CABP5: variants seen among roughly 807,000 people sequenced by gnomAD.
CABP5 encodes calcium binding protein 5.
A neutral mutation model predicts 21.9 loss-of-function variants in CABP5; 17 were observed. That is an observed-to-expected ratio of 0.78 (90% CI 0.53 to 1.17). CABP5 has a LOEUF of 1.17. CABP5 is among the 50% of genes most tolerant of loss of function. The probability of loss-of-function intolerance (pLI) is 0.00; values close to 1 mark genes in which losing one functional copy is unlikely to be tolerated. For synonymous variants in CABP5, 85 were observed against 79.4 expected (o/e 1.07, Z -0.37); for missense variants, 229 against 228.9 (o/e 1.00, Z 0.00).
At chr19:48,031,354 A>T (rs1967337251) in intron 5 of CABP5, among the ~76,000 whole-genome samples, 1 of 152,126 alleles carries the variant, frequency 6.6e-6, no homozygotes, top group Non-Finnish European at 1.5e-5. Context: ...GGCCTGGCTA[A>T]CATGGTGAAA....
At chr19:48,032,511 G>A (rs1262713405) in intron 5 of CABP5, among the ~76,000 whole-genome samples, 1 of 151,754 alleles carries the variant, frequency 6.6e-6, no homozygotes, top group Non-Finnish European at 1.5e-5. Context: ...TTGTATTTCA[G>A]TAGAGATGGG....
intron 5 of CABP5, among the ~76,000 whole-genome samples, chr19:48,032,076 G>C (rs561320839): frequency 2.6e-4 from 39 of 152,012 alleles, no homozygotes; most frequent in Non-Finnish European, 5.7e-4. Context: ...CTGGGAGGAA[G>C]ACATGAGGGA....
chr19:48,030,652 C>A, intron 5 of CABP5, 70 bp from the exon 6 acceptor site: 1 of 1,504,700 alleles, frequency 6.6e-7, no homozygotes, highest in Non-Finnish European at 9.2e-7. Flanking sequence ...TTTTTTGAGC[C>A]CTTCCTATGT....
intron 2 of CABP5, 112 bp from the exon 3 acceptor site, chr19:48,040,860 A>G: frequency 1.9e-6 from 2 of 1,053,968 alleles, no homozygotes; most frequent in East Asian, 2.4e-5. Flanking sequence ...AGGAGCGTAC[A>G]TTAGAAACAA....
At chr19:48,034,474 G>T in intron 4 of CABP5, 112 bp from the exon 5 acceptor site, 1 of 723,522 alleles carries the variant, frequency 1.4e-6, no homozygotes, top group Non-Finnish European at 2.0e-6. Flanking sequence ...AAAGCTTTGG[G>T]AATGTGAGCC....
intron 4 of CABP5, among the ~76,000 whole-genome samples, chr19:48,035,368 C>T (rs1005273651): frequency 6.6e-6 from 1 of 152,282 alleles, no homozygotes; most frequent in Middle Eastern, 3.4e-3. Context: ...GAGGCCAAGG[C>T]GGGTGGATCA....
At chr19:48,035,211 G>C (rs1291432664) in intron 4 of CABP5, among the ~76,000 whole-genome samples, 1 of 152,088 alleles carries the variant, frequency 6.6e-6, no homozygotes, top group African/African-American at 2.4e-5. Context: ...ACATCATGTG[G>C]TATTTGTCCT....
chr19:48,039,152 C>G, intron 4 of CABP5, 56 bp downstream of exon 4: 1 of 1,405,116 alleles, frequency 7.1e-7, no homozygotes, highest in South Asian at 1.2e-5. Flanking sequence ...TAATTACAGG[C>G]AGACCTCAGA....
intron 4 of CABP5, among the ~76,000 whole-genome samples, chr19:48,036,782 C>T (rs770916739): frequency 9.2e-5 from 14 of 152,206 alleles, no homozygotes; most frequent in Non-Finnish European, 1.8e-4. Flanking sequence ...GGGCAAAAGA[C>T]GTGAACAGCT....
In CABP5 at chr19:48,040,743, G is replaced by T. The variant is rs149269371; in HGVS notation, c.100C>A (p.Arg34=). The T allele has an allele frequency of 1.2e-6, 2 of 1,613,760 alleles. No individual in the cohort carries two copies. Among genetic ancestry groups the T allele is most frequent in the East Asian group, 4.5e-5 (2 of 44,888 alleles). The change falls in exon 3 of 6, where the codon CGG becomes AGG. Residue 34 remains arginine (R), a synonymous_variant. Transcript: ENST00000293255. ...PLGQDEIEEL[R]EAFLEFDKDR... is the part of the protein sequence containing the mutation. ...TTATCGAACTCAAGAAATGCTTCCC[G>T]CAGCTCTGAAAGTTAAGAGAGAACT...
At chr19:48,041,333 A>G in intron 2 of CABP5, 1 of 528,064 alleles carries the variant, frequency 1.9e-6, no homozygotes, top group Non-Finnish European at 3.3e-6. Context: ...CAAGAGAGAA[A>G]CTCATTTGTT....
rs556435140 is a variant in CABP5 at position 48,036,002 on chromosome 19, C to T, written c.349-1640G>A. On this transcript the variant is annotated intron_variant, in intron 4 of 5. Transcript: ENST00000293255. ...TAGGACCACGATGGGAGCCAGGAAA[C>T]CAATTAGAGGGCCGCCATGATCATC... Among the ~76,000 whole-genome samples the T allele has an allele frequency of 3.9e-5, 6 of 152,132 alleles. 1 individual carries two copies. The South Asian group carries it at 1.2e-3, about 32-fold the overall frequency.
chr19:48,030,815 C>T (rs1267394767), intron 5 of CABP5, among the ~76,000 whole-genome samples: 2 of 152,002 alleles, frequency 1.3e-5, no homozygotes, highest in East Asian at 1.9e-4. Context: ...AATAGATCTA[C>T]CTCATGAGGT....
chr19:48,041,117 C>A (rs113299803), intron 2 of CABP5, among the ~76,000 whole-genome samples: 1 of 151,862 alleles, frequency 6.6e-6, no homozygotes. Context: ...ACCTGGGAGG[C>A]GGAGGTAGCA....
chr19:48,038,374 C>T (rs1443733707), intron 4 of CABP5, among the ~76,000 whole-genome samples: 2 of 152,184 alleles, frequency 1.3e-5, no homozygotes, highest in South Asian at 2.1e-4. Flanking sequence ...GCTCTCAGAA[C>T]GAGAAGGTAT....
Position 48,029,786 on chromosome 19 carries a change from G to GAGAC in CABP5, c.*767_*770dup, listed in dbSNP as rs879686743. Among the ~76,000 whole-genome samples the GAGAC allele has an allele frequency of 4.3e-5, 6 of 140,180 alleles. No individual in the cohort carries two copies. Among genetic ancestry groups the GAGAC allele is most frequent in the Middle Eastern group, 3.7e-3 (1 of 272 alleles). 92.0% of individuals were successfully genotyped at this position (140,180 alleles called of 152,430 possible). ...AGGAAGGGATGTGGGAGGGGAGACA[G>GAGAC]AGACAGACAGACAGAGAGAGAGAGA... On this transcript the variant is annotated 3_prime_UTR_variant, in exon 6 of 6. Transcript: ENST00000293255.
At position 48,040,399 on chromosome 19, in the gene CABP5, G is replaced by A. The variant is rs1967464871; in HGVS notation, c.238+206C>T. ...TGTAATTAGTAAATAATAGAACTGAGATTTGAACCCAGACCTATCTCTAAA... is the reference window on the plus strand; with the variant it reads ...TGTAATTAGTAAATAATAGAACTGAAATTTGAACCCAGACCTATCTCTAAA... On this transcript the variant is annotated intron_variant, in intron 3 of 5. Coordinates refer to ENST00000293255, the MANE Select transcript of CABP5 (RefSeq NM_019855.5). 2.0e-5 allele frequency among the ~76,000 whole-genome samples: 3 copies of A among 152,164 alleles called. No homozygotes were observed. In the South Asian group the frequency reaches 6.2e-4, roughly 32 times the overall value.
intron 1 of CABP5, among the ~76,000 whole-genome samples, chr19:48,043,632 C>T (rs1288086628): frequency 6.9e-6 from 1 of 144,372 alleles, no homozygotes; most frequent in African/African-American, 2.6e-5. Context: ...CATTTTTCTT[C>T]CTTTTCTCTC....
Position 48,030,506 on chromosome 19 carries a change from G to A in CABP5, c.*51C>T, listed in dbSNP as rs372632915. The A allele has an allele frequency of 2.5e-5, 39 of 1,579,606 alleles. 1 individual carries two copies. Among genetic ancestry groups the A allele is most frequent in the Middle Eastern group, 1.7e-4 (1 of 5,926 alleles). Reference sequence around the variant, plus strand: ...TTTTGGGCTTTGGTTCTCCACAAGCGCTTGCTCCATGTTGACCAGGTGGAG... The same window carrying A: ...TTTTGGGCTTTGGTTCTCCACAAGCACTTGCTCCATGTTGACCAGGTGGAG... On this transcript the variant is annotated 3_prime_UTR_variant, in exon 6 of 6. Transcript: ENST00000293255.
Sources: gnomAD v4.1 joint callset for allele counts (sites outside exome capture counted in the v4.1 genomes callset) on GRCh38, gnomAD v4.1.1 for gene constraint, MANE v1.5 for transcripts, NCBI Gene and HGNC (gene_info 2026-07-23, HGNC 2026-07-21) for gene names.